DLGAP2: variants seen among roughly 807,000 people sequenced by gnomAD.
DLGAP2 encodes disks large-associated protein 2.
Under a neutral mutation model 100.3 loss-of-function variants are expected in DLGAP2, and 26 were observed. The ratio of observed to expected loss-of-function variants is 0.26; its 90% CI spans 0.19 to 0.36. DLGAP2 has a LOEUF of 0.36. Among genes scored for constraint, DLGAP2 ranks in the 10% least tolerant of loss-of-function variants. The probability of loss-of-function intolerance (pLI) is 1.00; values close to 1 mark genes in which losing one functional copy is unlikely to be tolerated. For synonymous variants in DLGAP2, 886 were observed against 630.1 expected, an observed-to-expected ratio of 1.41 and a Z score of -6.08; for missense variants, 1,858 against 1,453.2, an observed-to-expected ratio of 1.28 and a Z score of -4.53.
At position 1,094,624 on chromosome 8, in the gene DLGAP2, A is replaced by T. The variant is rs894324003; in HGVS notation, c.74-164227A>T. 4.6e-5 allele frequency among the ~76,000 whole-genome samples: 7 copies of T among 152,210 alleles called. No individual in the cohort carries two copies. The East Asian group carries it at 1.3e-3, about 29-fold the overall frequency. On this transcript the variant is annotated intron_variant, in intron 2 of 14. Coordinates refer to ENST00000637795, the MANE Select transcript of DLGAP2 (RefSeq NM_001346810.2). ...AGCTTGAATTCCTCGGCTCATCACAATATGAGGCTTCTTTAGGGATTTACC... is the reference window on the plus strand; with the variant it reads ...AGCTTGAATTCCTCGGCTCATCACATTATGAGGCTTCTTTAGGGATTTACC...
At chr8:1,602,723 C>G (rs926600854) in intron 6 of DLGAP2, among the ~76,000 whole-genome samples, 1 of 152,216 alleles carries the variant, frequency 6.6e-6, no homozygotes, top group African/African-American at 2.4e-5. Context: ...ATTCATCCCA[C>G]AAGTGTCTCT....
At chr8:1,631,622 C>G (rs1368373627) in intron 7 of DLGAP2, among the ~76,000 whole-genome samples, 1 of 152,158 alleles carries the variant, frequency 6.6e-6, no homozygotes, top group Admixed American at 6.5e-5. Context: ...CTGAAAAAGG[C>G]CACCCCGCCG....
chr8:811,149 T>C (rs868302107), intron 1 of DLGAP2, among the ~76,000 whole-genome samples: 4 of 152,368 alleles, frequency 2.6e-5, no homozygotes, highest in Middle Eastern at 3.4e-3. Context: ...GCTCACTCCA[T>C]TATCCCGCCT....
chr8:1,133,444 T>A lies in DLGAP2; in HGVS notation c.74-125407T>A, dbSNP rs575909479. ...AATATATATGAATAAAAATATATAT[T>A]TTTTGCTTTTAGAAGGGACTTAGAA... On this transcript the variant is annotated intron_variant, in intron 2 of 14. Coordinates refer to ENST00000637795, the MANE Select transcript of DLGAP2 (RefSeq NM_001346810.2). Among the ~76,000 whole-genome samples the A allele has an allele frequency of 2.0e-5, 3 of 152,254 alleles. No individual in the cohort carries two copies. The South Asian group carries it at 6.2e-4, about 32-fold the overall frequency.
At chr8:925,533 G>C (rs935406522) in intron 2 of DLGAP2, among the ~76,000 whole-genome samples, 12 of 152,160 alleles carry the variant, frequency 7.9e-5, no homozygotes, top group African/African-American at 2.7e-4. Flanking sequence ...GGTGCGGAGA[G>C]AGTGTATTAG....
intron 1 of DLGAP2, among the ~76,000 whole-genome samples, chr8:875,640 C>G (rs368117708): frequency 6.6e-6 from 1 of 152,186 alleles, no homozygotes. Flanking sequence ...ATTACCCAGT[C>G]GTGAGTATGT....
chr8:1,163,709 A>T (rs1428081642), intron 2 of DLGAP2, among the ~76,000 whole-genome samples: 1 of 152,156 alleles, frequency 6.6e-6, no homozygotes, highest in South Asian at 2.1e-4. Flanking sequence ...GACTGGGCAC[A>T]TTCGGTGGTA....
At chr8:815,827 CTCATTCA>C (rs1796466122) in intron 1 of DLGAP2, among the ~76,000 whole-genome samples, 1 of 152,052 alleles carries the variant, frequency 6.6e-6, no homozygotes, top group African/African-American at 2.4e-5. Flanking sequence ...AGCATGTGTT[CTCATTCA>C]TCTCATTTTA....
chr8:1,549,710 G>A (rs2130519997), intron 5 of DLGAP2, 27 bp downstream of exon 5: 1 of 1,511,898 alleles, frequency 6.6e-7, no homozygotes, highest in South Asian at 1.2e-5. Flanking sequence ...CCCTGTGGAG[G>A]CCGTCTCGGC....
chr8:1,449,270 G>A (rs897370535), intron 3 of DLGAP2, among the ~76,000 whole-genome samples: 7 of 152,194 alleles, frequency 4.6e-5, no homozygotes, highest in African/African-American at 1.2e-4. Context: ...TGGTGATTCC[G>A]GGGTAATTGT....
chr8:904,014 G>T (rs529110342), intron 1 of DLGAP2, among the ~76,000 whole-genome samples: 1 of 152,332 alleles, frequency 6.6e-6, no homozygotes, highest in East Asian at 1.9e-4. Context: ...GGGGACACAC[G>T]CGGTCCAGGC....
At chr8:1,225,259 G>C (rs974128836) in intron 2 of DLGAP2, among the ~76,000 whole-genome samples, 2 of 152,240 alleles carry the variant, frequency 1.3e-5, no homozygotes, top group Admixed American at 6.5e-5. Context: ...ACACGAGTGA[G>C]GGATTGGTAG....
At chr8:884,282 C>T (rs1018793074) in intron 1 of DLGAP2, among the ~76,000 whole-genome samples, 1 of 152,224 alleles carries the variant, frequency 6.6e-6, no homozygotes, top group East Asian at 1.9e-4. Context: ...TCCTGTTTCT[C>T]TGCAGCCTCA....
At chr8:1,698,721 A>ACTAGG (rs1204568183) in intron 14 of DLGAP2, among the ~76,000 whole-genome samples, 3 of 151,766 alleles carry the variant, frequency 2.0e-5, no homozygotes, top group African/African-American at 4.8e-5. Flanking sequence ...CATGCATGGG[A>ACTAGG]CAGGTCCACA....
chr8:821,939 C>T (rs1207294879), intron 1 of DLGAP2, among the ~76,000 whole-genome samples: 1 of 152,256 alleles, frequency 6.6e-6, no homozygotes, highest in Non-Finnish European at 1.5e-5. Context: ...TATACAGTTT[C>T]TGTGCCTACT....
At chr8:917,141 G>A (rs1022366224) in intron 2 of DLGAP2, among the ~76,000 whole-genome samples, 13 of 152,240 alleles carry the variant, frequency 8.5e-5, no homozygotes, top group South Asian at 6.2e-4. Context: ...ATAGTAAAGC[G>A]ACTGTTGAGT....
At chr8:1,218,415 T>A (rs761943099) in intron 2 of DLGAP2, among the ~76,000 whole-genome samples, 7 of 152,200 alleles carry the variant, frequency 4.6e-5, no homozygotes, top group African/African-American at 1.7e-4. Flanking sequence ...GCCGCTTTAT[T>A]TGGGGGTTCT....
chr8:1,103,067 G>A (rs1255797062), intron 2 of DLGAP2, among the ~76,000 whole-genome samples: 1 of 151,670 alleles, frequency 6.6e-6, no homozygotes, highest in African/African-American at 2.4e-5. Context: ...GTGGTTTTCC[G>A]GGGTCTTCGT....
At chr8:1,358,491 G>T (rs765099008) in intron 3 of DLGAP2, among the ~76,000 whole-genome samples, 4 of 152,156 alleles carry the variant, frequency 2.6e-5, no homozygotes, top group Non-Finnish European at 4.4e-5. Flanking sequence ...GGCAAGGGCT[G>T]CGTTCACCCA....
Sources: allele counts gnomAD v4.1 joint callset (sites outside exome capture counted in the v4.1 genomes callset), GRCh38; gene constraint gnomAD v4.1.1; transcripts MANE v1.5; gene names NCBI Gene and HGNC (gene_info 2026-07-23, HGNC 2026-07-21).